The following TTC3 variants were observed in gnomAD, a reference collection of about 807,000 sequenced individuals.
TTC3 encodes tetratricopeptide repeat domain 3, also known as E3 ubiquitin-protein ligase TTC3.
In TTC3, 180 loss-of-function variants were observed where a neutral mutation model predicts 249.6. The observed-to-expected ratio is 0.72, with a 90% CI of 0.64 to 0.82. The LOEUF is 0.82. TTC3 is among the 40% of genes least tolerant of loss of function. The pLI is 0.00. For missense variants in TTC3, 2,061 were observed against 2,398.4 expected (o/e 0.86, Z 2.94); for synonymous variants, 717 against 805.0 (o/e 0.89, Z 1.85).
intron 18 of TTC3, among the ~76,000 whole-genome samples, chr21:37,137,418 C>G (rs368173899): frequency 6.6e-6 from 1 of 152,066 alleles, no homozygotes; most frequent in Non-Finnish European, 1.5e-5. Context: ...AATTCCAGCC[C>G]TCATGGATGA....
chr21:37,179,921 T>C (rs1322090963), intron 35 of TTC3, among the ~76,000 whole-genome samples: 1 of 152,256 alleles, frequency 6.6e-6, no homozygotes, highest in African/African-American at 2.4e-5. Flanking sequence ...TAATGAATTG[T>C]GTTTTCATGT....
intron 35 of TTC3, among the ~76,000 whole-genome samples, chr21:37,178,881 G>A (rs943168800): frequency 1.5e-4 from 23 of 152,058 alleles, no homozygotes; most frequent in African/African-American, 5.6e-4. Flanking sequence ...GGTCACTTGA[G>A]CCCAGGGGTT....
chr21:37,073,631 G>A (rs2070354513), intron 1 of TTC3, 158 bp downstream of exon 1: 5 of 392,398 alleles, frequency 1.3e-5, no homozygotes, highest in Non-Finnish European at 1.7e-5. Flanking sequence ...GCGAGGCCCT[G>A]GGATGCCGGT....
chr21:37,116,102 A>T (rs1449885651), intron 11 of TTC3, among the ~76,000 whole-genome samples: 1 of 151,986 alleles, frequency 6.6e-6, no homozygotes, highest in East Asian at 1.9e-4. Flanking sequence ...GGTTCACTTC[A>T]CTCTTGAATC....
At chr21:37,150,214 G>T in intron 24 of TTC3, 44 bp downstream of exon 24, 1 of 1,340,498 alleles carries the variant, frequency 7.5e-7, no homozygotes, top group Non-Finnish European at 1.1e-6. Flanking sequence ...TAACCAAAAT[G>T]TTTACACCTT....
chr21:37,081,493 T>A (rs188292310), intron 1 of TTC3: 3 of 152,326 alleles, frequency 2.0e-5, no homozygotes, highest in Non-Finnish European at 4.4e-5. Context: ...TTACATCATT[T>A]CACTTCTAAG....
chr21:37,102,775 T>A (rs2074641980), intron 10 of TTC3, among the ~76,000 whole-genome samples: 1 of 152,100 alleles, frequency 6.6e-6, no homozygotes, highest in Non-Finnish European at 1.5e-5. Context: ...GGCGGATGGA[T>A]CACTTGAGGT....
chr21:37,138,529 A>G (rs946346681), intron 18 of TTC3, 105 bp from the exon 19 acceptor site: 9 of 684,998 alleles, frequency 1.3e-5, no homozygotes, highest in Non-Finnish European at 2.3e-5. Flanking sequence ...ATTGATTCGT[A>G]AGATTGATTA....
At position 37,185,289 on chromosome 21, in the gene TTC3, A is replaced by G. The variant is rs575277769; in HGVS notation, c.4758-417A>G. ...TGTGCGTGCGCACCCGCGTGTGTGCATGAATGCTTGTTTTGACTTTAAGTT... is the reference window on the plus strand; with the variant it reads ...TGTGCGTGCGCACCCGCGTGTGTGCGTGAATGCTTGTTTTGACTTTAAGTT... On this transcript the variant is annotated intron_variant, in intron 36 of 45. Coordinates refer to ENST00000355666, the Ensembl canonical transcript of TTC3. Among the ~76,000 whole-genome samples the G allele has an allele frequency of 1.4e-3, 211 of 152,356 alleles. 1 individual carries two copies. The highest frequency in any genetic ancestry group is 3.4e-3 in the Middle Eastern group (1 of 294).
chr21:37,191,359 G>C (rs1176121344), exon 40 of TTC3: 1 of 1,587,948 alleles, frequency 6.3e-7, no homozygotes, highest in Non-Finnish European at 8.5e-7. Context: ...TCCTGACATG[G>C]AGTCTGATAT....
At chr21:37,160,725 A>C in intron 29 of TTC3, 77 bp from the exon 30 acceptor site, 1 of 1,466,430 alleles carries the variant, frequency 6.8e-7, no homozygotes, top group Non-Finnish European at 9.4e-7. Context: ...GTCTGTAAAA[A>C]CTCATATGGT....
intron 22 of TTC3, among the ~76,000 whole-genome samples, chr21:37,147,993 G>A (rs1197234648): frequency 6.6e-6 from 1 of 152,140 alleles, no homozygotes; most frequent in Non-Finnish European, 1.5e-5. Flanking sequence ...CCCAAAGTGT[G>A]GGATTACAGG....
At chr21:37,143,987 G>A (rs965469026) in intron 20 of TTC3, among the ~76,000 whole-genome samples, 2 of 151,360 alleles carry the variant, frequency 1.3e-5, no homozygotes, top group African/African-American at 4.9e-5. Flanking sequence ...GCAAACTGTT[G>A]CAGGGACAAA....
chr21:37,102,653 G>A (rs1785700445), intron 10 of TTC3, among the ~76,000 whole-genome samples: 1 of 152,178 alleles, frequency 6.6e-6, no homozygotes, highest in East Asian at 1.9e-4. Context: ...ACAGAACTGG[G>A]CTCTTGGGAA....
chr21:37,146,867 A>AT (rs1569049604), intron 21 of TTC3, among the ~76,000 whole-genome samples: 1 of 152,236 alleles, frequency 6.6e-6, no homozygotes. Context: ...CAAAGCTATT[A>AT]TAAAAAATAC....
rs574604471 is a variant in TTC3, at chr21:37,096,791, T to TTATA, written c.845+153_845+156dup. 58 of 575,160 alleles carry TTATA rather than the reference T, an allele frequency of 1.0e-4. No homozygotes were observed. The African/African-American group carries it at 1.0e-3, about 10-fold the overall frequency. 35.6% of individuals were successfully genotyped at this position (575,160 alleles called of 1,614,324 possible). Reference sequence around the variant, plus strand: ...GTGGTTAAAAGAGTATGCTTAGGCTTTATATATAATAACAACAGTGACAGC... The same window carrying TTATA: ...GTGGTTAAAAGAGTATGCTTAGGCTTTATATATATATAATAACAACAGTGACAGC... On this transcript the variant is annotated intron_variant, in intron 10 of 45. Transcript: ENST00000355666.
At position 37,096,637 on chromosome 21, in the gene TTC3, A is replaced by G. The variant is rs762636172; in HGVS notation, c.839A>G (p.Gln280Arg). The G allele has an allele frequency of 3.1e-6, 5 of 1,608,040 alleles. No homozygotes were observed. In the Admixed American group the frequency reaches 8.4e-5, roughly 27 times the overall value. Residue 280 changes from glutamine (Q) to arginine (R), a missense_variant, in exon 10 of 46, where the codon CAG becomes CGG. Gln to Arg is a conservative substitution (Grantham distance 43). Coordinates refer to ENST00000355666, the Ensembl canonical transcript of TTC3. ...GCTCTTTGTTTTCTTCGTACTGGAC[A>G]GTTTAGGTAAGTTGGTTAAAATATC...
chr21:37,179,876 A>T (rs2082599553), intron 35 of TTC3, among the ~76,000 whole-genome samples: 1 of 152,216 alleles, frequency 6.6e-6, no homozygotes, highest in African/African-American at 2.4e-5. Flanking sequence ...AATGTTTATC[A>T]AACAGTGTGT....
rs751453468 is a variant in TTC3 at position 37,182,748 on chromosome 21, T to C, written c.4618-26T>C. On this transcript the variant is annotated intron_variant, in intron 35 of 45. Coordinates refer to ENST00000355666, the Ensembl canonical transcript of TTC3. Reference sequence around the variant, plus strand: ...GTTAAAAAGTATATTTTGCCATTTATTTAAGTACTTTCTAAATGTTTTTAG... The same window carrying C: ...GTTAAAAAGTATATTTTGCCATTTACTTAAGTACTTTCTAAATGTTTTTAG... 6 of 1,555,068 alleles carry C rather than the reference T, an allele frequency of 3.9e-6. No individual in the cohort carries two copies. The African/African-American group carries it at 8.3e-5, about 22-fold the overall frequency.
Sources: gnomAD v4.1 joint callset for allele counts (sites outside exome capture counted in the v4.1 genomes callset) on GRCh38, gnomAD v4.1.1 for gene constraint, MANE v1.5 for transcripts, NCBI Gene and HGNC (gene_info 2026-07-23, HGNC 2026-07-21) for gene names.